Variants in PLCB4 observed in about 807,000 individuals in gnomAD.
PLCB4 encodes 1-phosphatidylinositol 4,5-bisphosphate phosphodiesterase beta-4.
A neutral mutation model predicts 178.8 loss-of-function variants in PLCB4; 77 were observed. That is an observed-to-expected ratio of 0.43 (90% CI 0.36 to 0.52). PLCB4 has a LOEUF of 0.52. Among genes scored for constraint, PLCB4 ranks in the 20% least tolerant of loss-of-function variants. The pLI is 0.00. For synonymous variants in PLCB4, 496 were observed against 490.8 expected (o/e 1.01, Z -0.14); for missense variants, 1,024 against 1,453.4 (o/e 0.70, Z 4.80).
chr20:9,408,143 T>C, intron 22 of PLCB4, 85 bp downstream of exon 22: 1 of 1,212,294 alleles, frequency 8.2e-7, no homozygotes, highest in East Asian at 2.4e-5. Context: ...TTTGTTGCCA[T>C]TTTTCTTTGT....
intron 2 of PLCB4, among the ~76,000 whole-genome samples, chr20:9,196,715 G>C (rs528961913): frequency 2.0e-5 from 3 of 152,196 alleles, no homozygotes; most frequent in Non-Finnish European, 2.9e-5. Context: ...CATCAGGTTA[G>C]TCTGCTTTCA....
At chr20:9,144,852 C>T (rs1245749840) in intron 2 of PLCB4, among the ~76,000 whole-genome samples, 1 of 151,938 alleles carries the variant, frequency 6.6e-6, no homozygotes, top group African/African-American at 2.4e-5. Context: ...CATACACATA[C>T]GCAGCCAAAA....
intron 4 of PLCB4, among the ~76,000 whole-genome samples, chr20:9,320,776 G>A (rs2147957326): frequency 6.6e-6 from 1 of 152,294 alleles, no homozygotes; most frequent in Admixed American, 6.5e-5. Context: ...AGCCTACAGT[G>A]GATCTCCAAG....
At chr20:9,101,980 G>A (rs974662959) in intron 2 of PLCB4, among the ~76,000 whole-genome samples, 1 of 151,970 alleles carries the variant, frequency 6.6e-6, no homozygotes, top group African/African-American at 2.4e-5. Flanking sequence ...GTGTAGCTGG[G>A]ATTATCGGTG....
intron 2 of PLCB4, among the ~76,000 whole-genome samples, chr20:9,130,992 C>G (rs550864720): frequency 6.6e-6 from 1 of 152,262 alleles, no homozygotes; most frequent in East Asian, 1.9e-4. Flanking sequence ...GTCCATGGGC[C>G]TCATGGCCAG....
chr20:9,224,602 A>G (rs918605468), intron 3 of PLCB4, among the ~76,000 whole-genome samples: 3 of 152,144 alleles, frequency 2.0e-5, no homozygotes, highest in Non-Finnish European at 4.4e-5. Flanking sequence ...TACCTTTTCC[A>G]CCTAAGGATG....
intron 36 of PLCB4, among the ~76,000 whole-genome samples, chr20:9,470,714 G>T (rs2044133454): frequency 6.6e-6 from 1 of 152,156 alleles, no homozygotes; most frequent in African/African-American, 2.4e-5. Flanking sequence ...TTGTGCAACT[G>T]TATGGGGGTA....
intron 2 of PLCB4, among the ~76,000 whole-genome samples, chr20:9,180,751 G>T (rs763704893): frequency 6.6e-6 from 1 of 152,100 alleles, no homozygotes; most frequent in African/African-American, 2.4e-5. Context: ...GGACTTTCAG[G>T]TGCAAATTTT....
intron 3 of PLCB4, among the ~76,000 whole-genome samples, chr20:9,267,800 C>T (rs533469316): frequency 3.3e-5 from 5 of 152,088 alleles, no homozygotes; most frequent in South Asian, 2.1e-4. Context: ...GATGGCCCTG[C>T]CCTCATGATA....
chr20:9,385,155 C>G (rs2037478703), intron 14 of PLCB4, among the ~76,000 whole-genome samples: 1 of 152,210 alleles, frequency 6.6e-6, no homozygotes, highest in South Asian at 2.1e-4. Flanking sequence ...CATCCCAAGG[C>G]AGAAGAATTT....
intron 1 of PLCB4, among the ~76,000 whole-genome samples, chr20:9,069,527 C>G (rs1413991267): frequency 6.6e-6 from 1 of 152,194 alleles, no homozygotes; most frequent in African/African-American, 2.4e-5. Flanking sequence ...TGGCACCGTG[C>G]AACGCATGTA....
At chr20:9,437,831 T>C (rs572760488) in intron 30 of PLCB4, among the ~76,000 whole-genome samples, 3 of 152,362 alleles carry the variant, frequency 2.0e-5, no homozygotes. Context: ...GTAAGAATTA[T>C]GATACTCATG....
At chr20:9,153,179 C>T (rs935076502) in intron 2 of PLCB4, among the ~76,000 whole-genome samples, 6 of 152,050 alleles carry the variant, frequency 3.9e-5, no homozygotes, top group Non-Finnish European at 7.3e-5. Flanking sequence ...GAACTGTGGA[C>T]TTTGGGTTGA....
At chr20:9,077,371 A>G (rs891476211) in intron 1 of PLCB4, among the ~76,000 whole-genome samples, 1 of 152,164 alleles carries the variant, frequency 6.6e-6, no homozygotes, top group African/African-American at 2.4e-5. Flanking sequence ...AGCACTGATG[A>G]ATTGCCTTTA....
intron 8 of PLCB4, among the ~76,000 whole-genome samples, chr20:9,363,893 G>A (rs906592169): frequency 6.6e-6 from 1 of 152,346 alleles, no homozygotes; most frequent in East Asian, 1.9e-4. Flanking sequence ...TAAAGGTACT[G>A]TCATGTCTTA....
intron 4 of PLCB4, among the ~76,000 whole-genome samples, chr20:9,333,095 G>C (rs887255925): frequency 3.3e-5 from 5 of 152,156 alleles, no homozygotes; most frequent in Non-Finnish European, 7.4e-5. Context: ...CTCAATTTGA[G>C]CAACTTCTTG....
At chr20:9,103,503 T>G (rs183235271) in intron 2 of PLCB4, among the ~76,000 whole-genome samples, 1 of 152,322 alleles carries the variant, frequency 6.6e-6, no homozygotes, top group Non-Finnish European at 1.5e-5. Flanking sequence ...TTCCCTTATT[T>G]GCTTCTGCAG....
rs753959338 is a variant in PLCB4, at chr20:9,389,858, CG to C, written c.1159-20del. ...TTTTTTTGCTCTTTTCTCTCATTAA[CG>C]TTTTTTTTTGTTTTTAAAGGATGTA... On this transcript the variant is annotated intron_variant, in intron 15 of 39. Transcript: ENST00000378473. 3 of 1,365,152 alleles carry C rather than the reference CG, an allele frequency of 2.2e-6. No individual in the cohort carries two copies. Among genetic ancestry groups the C allele is most frequent in the East Asian group, 4.6e-5 (2 of 43,818 alleles). 84.6% of individuals were successfully genotyped at this position (1,365,152 alleles called of 1,614,324 possible). A position where few individuals can be genotyped will look rare whatever the true frequency, so the allele number is the denominator to read the frequency against.
chr20:9,416,333 A>G (rs1235028841), intron 25 of PLCB4, among the ~76,000 whole-genome samples: 2 of 152,134 alleles, frequency 1.3e-5, no homozygotes, highest in Non-Finnish European at 2.9e-5. Flanking sequence ...GAAAGTGAGG[A>G]ATCTCTGGAC....
Sources: gnomAD v4.1 joint callset for allele counts (sites outside exome capture counted in the v4.1 genomes callset) on GRCh38, gnomAD v4.1.1 for gene constraint, MANE v1.5 for transcripts, NCBI Gene and HGNC (gene_info 2026-07-23, HGNC 2026-07-21) for gene names.